AFF2: variants seen among roughly 807,000 people sequenced by gnomAD.
The protein encoded by AFF2 is AF4/FMR2 family member 2.
AFF2 carries 14 observed loss-of-function variants against 76.9 expected under a neutral mutation model. The observed-to-expected ratio is 0.18, with a 90% CI of 0.12 to 0.28. AFF2 has a LOEUF of 0.28. AFF2 is among the 10% of genes least tolerant of loss of function. The probability of loss-of-function intolerance (pLI) is 1.00; values close to 1 mark genes in which losing one functional copy is unlikely to be tolerated. For synonymous variants in AFF2, 398 were observed against 366.7 expected (o/e 1.09, Z -0.98); for missense variants, 868 against 1,001.1 (o/e 0.87, Z 1.79).
chrX:148,620,231 T>C (rs976397540), intron 1 of AFF2, among the ~76,000 whole-genome samples: 2 of 110,929 alleles, frequency 1.8e-5, no homozygotes, highest in Middle Eastern at 9.2e-3. Flanking sequence ...GTAAGTGATG[T>C]TCTTAGGAAG....
At chrX:148,814,812 A>G (rs2070245296) in intron 4 of AFF2, among the ~76,000 whole-genome samples, 1 of 111,983 alleles carries the variant, frequency 8.9e-6, no homozygotes, top group Non-Finnish European at 1.9e-5. Context: ...TAACAGGGAA[A>G]TAAATGAAAA....
At chrX:148,842,696 TCTTA>T (rs1557274372) in intron 5 of AFF2, among the ~76,000 whole-genome samples, 1 of 112,119 alleles carries the variant, frequency 8.9e-6, no homozygotes, top group East Asian at 2.8e-4. Flanking sequence ...TAGATACCAG[TCTTA>T]CTTATAATTT....
In AFF2 at chrX:148,955,812, C is replaced by T; in HGVS notation, c.1767C>T (p.Leu589=). 1 of 1,211,415 alleles carries T rather than the reference C, an allele frequency of 8.3e-7. No individual in the cohort carries two copies. Among genetic ancestry groups the T allele is most frequent in the Non-Finnish European group, 1.1e-6 (1 of 895,306 alleles). Residue 589 remains leucine, a synonymous_variant, in exon 11 of 21, where the codon CTC becomes CTT. Coordinates refer to ENST00000370460, the MANE Select transcript of AFF2 (RefSeq NM_002025.4). ...CTGAACCCAAAGAAAGGCCTCTCCTCAGTCTCATTAGGGAGAAAGCCCGTC... is the reference window on the plus strand; with the variant it reads ...CTGAACCCAAAGAAAGGCCTCTCCTTAGTCTCATTAGGGAGAAAGCCCGTC... The part of the protein sequence containing the change: ...VPAEPKERPL[L]SLIREKARPR...
At chrX:148,702,447 T>G (rs16994694) in intron 3 of AFF2, among the ~76,000 whole-genome samples, 5,116 of 111,618 alleles carry the variant, frequency 0.046, 312 homozygotes, top group African/African-American at 0.16. Flanking sequence ...TTTCTGCATC[T>G]TTTTTGGTAA....
intron 7 of AFF2, among the ~76,000 whole-genome samples, chrX:148,848,777 T>G (rs1420983893): frequency 1.8e-5 from 2 of 112,527 alleles, no homozygotes; most frequent in African/African-American, 6.5e-5. Context: ...GTAACTTTAC[T>G]AGTTGCAGAC....
chrX:148,725,805 A>T (rs782021398), intron 3 of AFF2, among the ~76,000 whole-genome samples: 1 of 112,474 alleles, frequency 8.9e-6, no homozygotes, highest in Non-Finnish European at 1.9e-5. Flanking sequence ...ATTATTATGG[A>T]TAGTATATCT....
rs1415729306 is a variant in AFF2 at position 148,868,850 on chromosome X, A to C, written c.1263-17039A>C. ...CATGCTAGATAGAACAAAATGGCAAAAACGGCTTAACAAGTTCCCTCCAGC... is the reference window on the plus strand; with the variant it reads ...CATGCTAGATAGAACAAAATGGCAACAACGGCTTAACAAGTTCCCTCCAGC... On this transcript the variant is annotated intron_variant, in intron 7 of 20. Transcript: ENST00000370460. 2.7e-5 allele frequency among the ~76,000 whole-genome samples: 3 copies of C among 111,797 alleles called. No homozygotes were observed. In the Admixed American group the frequency reaches 2.8e-4, roughly 11 times the overall value.
intron 5 of AFF2, among the ~76,000 whole-genome samples, chrX:148,839,909 G>GTA (rs1348786299): frequency 2.0e-5 from 2 of 100,193 alleles, no homozygotes; most frequent in Admixed American, 2.1e-4. Flanking sequence ...GTGTGTGTGT[G>GTA]TGTGTGTGTG....
intron 7 of AFF2, among the ~76,000 whole-genome samples, chrX:148,858,783 C>T (rs1235626454): frequency 9.1e-6 from 1 of 109,848 alleles, no homozygotes; most frequent in African/African-American, 3.3e-5. Context: ...TTTGAAAGAA[C>T]TAGAAAGGTA....
At chrX:148,532,889 G>A (rs2052744884) in intron 1 of AFF2, among the ~76,000 whole-genome samples, 1 of 111,604 alleles carries the variant, frequency 9.0e-6, no homozygotes, top group Non-Finnish European at 1.9e-5. Context: ...TTTAACAGTC[G>A]GTCAAACAGT....
intron 3 of AFF2, among the ~76,000 whole-genome samples, chrX:148,805,476 T>A (rs1343689293): frequency 5.4e-5 from 6 of 111,521 alleles, no homozygotes; most frequent in Non-Finnish European, 9.4e-5. Context: ...TGTTTTACGT[T>A]AATCTCCATG....
At position 148,784,573 on chromosome X, in the gene AFF2, T is replaced by C. The variant is rs187002183; in HGVS notation, c.1042-25303T>C. Among the ~76,000 whole-genome samples the C allele has an allele frequency of 9.0e-5, 10 of 111,668 alleles. No homozygotes were observed. The East Asian group carries it at 2.5e-3, about 28-fold the overall frequency. On this transcript the variant is annotated intron_variant, in intron 3 of 20. Coordinates refer to ENST00000370460, the MANE Select transcript of AFF2 (RefSeq NM_002025.4). Reference sequence around the variant, plus strand: ...CGTTCCCCAGTACCTAATGCTACGGTGCATTAAGGATGAGATAGTTCTCAC... The same window carrying C: ...CGTTCCCCAGTACCTAATGCTACGGCGCATTAAGGATGAGATAGTTCTCAC...
At chrX:148,546,435 G>T (rs782734921) in intron 1 of AFF2, among the ~76,000 whole-genome samples, 10 of 112,161 alleles carry the variant, frequency 8.9e-5, no homozygotes, top group Non-Finnish European at 1.7e-4. Context: ...CTGTGATGAT[G>T]ACAACAAATT....
chrX:148,612,002 G>A (rs1351912265), intron 1 of AFF2, among the ~76,000 whole-genome samples: 1 of 111,398 alleles, frequency 9.0e-6, no homozygotes, highest in Non-Finnish European at 1.9e-5. Flanking sequence ...AACTTTGCAG[G>A]GCTTTTGTTC....
rs552645421 is a variant in AFF2, at chrX:148,915,741, A to T, written c.1397+11483A>T. The stretch of plus-strand genomic sequence containing the variant: ...GCTAGGTGAAAGTTTAACTTGACTC[A>T]TACCATGTTGCGCAGGTTTAATAGC... On this transcript the variant is annotated intron_variant, in intron 9 of 20. Coordinates refer to ENST00000370460, the MANE Select transcript of AFF2 (RefSeq NM_002025.4). Among the ~76,000 whole-genome samples, 20 of 112,539 alleles carry T rather than the reference A, an allele frequency of 1.8e-4. No homozygotes were observed. The South Asian group carries it at 7.4e-3, about 42-fold the overall frequency.
chrX:148,673,917 G>A lies in AFF2; in HGVS notation c.1041+11149G>A, dbSNP rs146116817. ...AAAATGAGATTTAAAAATCTTTTAG[G>A]GAAGTATAAAGTTTCTTTTCACTTA... is the stretch of plus-strand genomic sequence containing the variant. On this transcript the variant is annotated intron_variant, in intron 3 of 20. Transcript: ENST00000370460. Among the ~76,000 whole-genome samples, 484 of 112,264 alleles carry A rather than the reference G, an allele frequency of 4.3e-3. 2 individuals are homozygous for A. The highest frequency in any genetic ancestry group is 0.013 in the African/African-American group (399 of 30,927).
chrX:148,722,184 G>A (rs1294901817), intron 3 of AFF2, among the ~76,000 whole-genome samples: 1 of 110,860 alleles, frequency 9.0e-6, no homozygotes, highest in Non-Finnish European at 1.9e-5. Context: ...AGGAAAGAGG[G>A]CTTTAAATGA....
chrX:148,584,392 C>T (rs1291726587), intron 1 of AFF2, among the ~76,000 whole-genome samples: 1 of 111,080 alleles, frequency 9.0e-6, no homozygotes, highest in African/African-American at 3.3e-5. Context: ...TCCAAGGAAA[C>T]ATTAGCATTC....
chrX:148,786,709 C>A (rs782164568), intron 3 of AFF2, among the ~76,000 whole-genome samples: 1 of 112,030 alleles, frequency 8.9e-6, no homozygotes, highest in Non-Finnish European at 1.9e-5. Flanking sequence ...CTGTGAGGTA[C>A]TGGGGGTTAG....
Sources: gnomAD v4.1 joint callset for allele counts (sites outside exome capture counted in the v4.1 genomes callset) on GRCh38, gnomAD v4.1.1 for gene constraint, MANE v1.5 for transcripts, NCBI Gene and HGNC (gene_info 2026-07-23, HGNC 2026-07-21) for gene names.